GABRG3: variants seen among roughly 807,000 people sequenced by gnomAD.
The protein encoded by GABRG3 is gamma-aminobutyric acid receptor subunit gamma-3.
GABRG3 carries 25 observed loss-of-function variants against 48.8 expected under a neutral mutation model. That is an observed-to-expected ratio of 0.51 (90% CI 0.37 to 0.72). The LOEUF is 0.72. GABRG3 is among the 30% of genes least tolerant of loss of function. The pLI is 0.00. For synonymous variants in GABRG3, 227 were observed against 217.6 expected, an observed-to-expected ratio of 1.04 and a Z score of -0.38; for missense variants, 394 against 577.9, an observed-to-expected ratio of 0.68 and a Z score of 3.26.
At chr15:27,498,246 G>T (rs1890534614) in intron 6 of GABRG3, among the ~76,000 whole-genome samples, 1 of 151,822 alleles carries the variant, frequency 6.6e-6, no homozygotes, top group African/African-American at 2.4e-5. Context: ...CTCAGACTGT[G>T]AGACTAGTGT....
chr15:27,340,896 T>C, intron 5 of GABRG3: 1 of 447,318 alleles, frequency 2.2e-6, no homozygotes, highest in South Asian at 1.8e-5. Flanking sequence ...TTCTGTTATG[T>C]ACTTTTGTGC....
chr15:27,146,115 A>G (rs1292628123), intron 3 of GABRG3, among the ~76,000 whole-genome samples: 1 of 152,154 alleles, frequency 6.6e-6, no homozygotes, highest in Non-Finnish European at 1.5e-5. Context: ...AAGAGGGACT[A>G]TAGGACTTAA....
At chr15:27,435,351 G>A (rs1054458140) in intron 5 of GABRG3, among the ~76,000 whole-genome samples, 4 of 151,872 alleles carry the variant, frequency 2.6e-5, no homozygotes, top group African/African-American at 2.4e-5. Context: ...GTTTTGGGCC[G>A]TATGGTCTCT....
chr15:27,203,929 G>A (rs1443023156), intron 3 of GABRG3, among the ~76,000 whole-genome samples: 1 of 151,686 alleles, frequency 6.6e-6, no homozygotes, highest in Non-Finnish European at 1.5e-5. Context: ...CCTTATTAAG[G>A]AAGTTAAGTT....
rs929277145 is a variant in GABRG3, at chr15:26,976,171, C to G, written c.54-831C>G. 6.6e-6 allele frequency among the ~76,000 whole-genome samples: 1 copy of G among 151,994 alleles called. No homozygotes were observed. Among genetic ancestry groups the G allele is most frequent in the Non-Finnish European group, 1.5e-5 (1 of 68,030 alleles). ...CCGGTCATCCTGAGGCCTCTCCATT[C>G]AGGCACTCCTGTCAGTGTGTGTCAC... is the stretch of plus-strand genomic sequence containing the variant. On this transcript the variant is annotated intron_variant, in intron 1 of 9. Coordinates refer to ENST00000615808, the MANE Select transcript of GABRG3 (RefSeq NM_033223.5). This position sits in a 1 kb window ranked among gnomAD's most constrained non-coding sequence, Gnocchi z 7.8.
chr15:27,070,238 T>A (rs945711085), intron 3 of GABRG3, among the ~76,000 whole-genome samples: 1 of 152,258 alleles, frequency 6.6e-6, no homozygotes, highest in Non-Finnish European at 1.5e-5. Flanking sequence ...CAGTGCCGTA[T>A]ACAAAGAGAC....
At chr15:27,022,493 C>A (rs916859902) in intron 2 of GABRG3, among the ~76,000 whole-genome samples, 1 of 152,154 alleles carries the variant, frequency 6.6e-6, no homozygotes, top group Non-Finnish European at 1.5e-5. Context: ...GGGGCTGAGG[C>A]GAGTTTAGCA....
intron 3 of GABRG3, among the ~76,000 whole-genome samples, chr15:27,095,427 G>A (rs376704920): frequency 2.6e-5 from 4 of 152,148 alleles, no homozygotes; most frequent in African/African-American, 7.2e-5. Flanking sequence ...GGAAACACAC[G>A]CTTTCTCATC....
intron 5 of GABRG3, among the ~76,000 whole-genome samples, chr15:27,344,335 T>C (rs1165228074): frequency 6.6e-6 from 1 of 152,226 alleles, no homozygotes; most frequent in African/African-American, 2.4e-5. Context: ...TGGTGACCTG[T>C]TTTTATTTTT....
At chr15:27,157,638 A>G (rs768836694) in intron 3 of GABRG3, 1 of 152,214 alleles carries the variant, frequency 6.6e-6, no homozygotes, top group Non-Finnish European at 1.5e-5. Context: ...GACACTGGGT[A>G]AGTTATCAGT....
intron 5 of GABRG3, among the ~76,000 whole-genome samples, chr15:27,397,302 C>A (rs183137971): frequency 1.1e-4 from 16 of 150,902 alleles, no homozygotes. Flanking sequence ...TTTCTACAAT[C>A]CTGATACATA....
At chr15:27,288,693 A>T (rs543034612) in intron 3 of GABRG3, among the ~76,000 whole-genome samples, 1 of 150,158 alleles carries the variant, frequency 6.7e-6, no homozygotes, top group Admixed American at 6.7e-5. Context: ...AGCCTGGGCA[A>T]CAAGAGCAAA....
chr15:26,977,101 C>T lies in GABRG3; in HGVS notation c.153C>T (p.Leu51=). The part of the protein sequence containing the change: ...KSQDTDVTLI[L]NKLLREYDKK... ...AAGACACCGACGTGACTCTTATTCTCAACAAGTTGCTAAGAGAATATGATA... is the reference window on the plus strand; with the variant it reads ...AAGACACCGACGTGACTCTTATTCTTAACAAGTTGCTAAGAGAATATGATA... The change falls in exon 2 of 10, where the codon CTC becomes CTT. Residue 51 remains leucine (L), a synonymous_variant. Transcript: ENST00000615808. 2 of 1,613,894 alleles carry T rather than the reference C, an allele frequency of 1.2e-6. No individual in the cohort carries two copies. The highest frequency in any genetic ancestry group is 1.7e-6 in the Non-Finnish European group (2 of 1,179,866).
intron 3 of GABRG3, among the ~76,000 whole-genome samples, chr15:27,257,942 C>G (rs552198314): frequency 6.6e-6 from 1 of 152,092 alleles, no homozygotes; most frequent in African/African-American, 2.4e-5. Context: ...GAGCCTTGTG[C>G]CCAGCGTGAG....
intron 5 of GABRG3, among the ~76,000 whole-genome samples, chr15:27,452,133 CA>C (rs1403550476): frequency 6.6e-6 from 1 of 152,150 alleles, no homozygotes; most frequent in Non-Finnish European, 1.5e-5. Context: ...GAAAAACAGT[CA>C]ACATCACTAA....
intron 3 of GABRG3, among the ~76,000 whole-genome samples, chr15:27,190,501 G>A (rs140029556): frequency 0.64 from 97,964 of 151,908 alleles, 32,214 homozygotes; most frequent in East Asian, 0.88. Context: ...TCGATTTTCT[G>A]GTTTATTTGC....
intron 3 of GABRG3, among the ~76,000 whole-genome samples, chr15:27,182,428 T>C (rs1445592573): frequency 6.6e-6 from 1 of 152,200 alleles, no homozygotes; most frequent in Admixed American, 6.5e-5. Flanking sequence ...ATTGTACAGG[T>C]TTGGCTGGGC....
At chr15:27,498,758 A>T (rs1378762334) in intron 6 of GABRG3, among the ~76,000 whole-genome samples, 1 of 152,032 alleles carries the variant, frequency 6.6e-6, no homozygotes. Context: ...CACCCACCTC[A>T]GCCTCCCAAA....
intron 5 of GABRG3, chr15:27,364,181 C>A (rs1295369388): frequency 6.6e-6 from 1 of 152,148 alleles, no homozygotes; most frequent in Non-Finnish European, 1.5e-5. Flanking sequence ...ATTATGAAAA[C>A]CTCCTTCTGG....
Sources: allele counts gnomAD v4.1 joint callset (sites outside exome capture counted in the v4.1 genomes callset), GRCh38; gene constraint gnomAD v4.1.1; non-coding constraint Gnocchi (gnomAD v3.1); transcripts MANE v1.5; gene names NCBI Gene and HGNC (gene_info 2026-07-23, HGNC 2026-07-21).